Variants in SORCS2 observed in about 807,000 individuals in gnomAD.
SORCS2 encodes the protein VPS10 domain-containing receptor SorCS2.
SORCS2 carries 100 observed loss-of-function variants against 141.6 expected under a neutral mutation model. The ratio of observed to expected loss-of-function variants is 0.71; its 90% CI spans 0.60 to 0.83. The LOEUF is 0.83. SORCS2 is among the 40% of genes least tolerant of loss of function. SORCS2 has a pLI of 0.00. For missense variants in SORCS2, 1,646 were observed against 1,560.2 expected, an observed-to-expected ratio of 1.05 and a Z score of -0.93; for synonymous variants, 789 against 676.9, an observed-to-expected ratio of 1.17 and a Z score of -2.57.
intron 1 of SORCS2, among the ~76,000 whole-genome samples, chr4:7,322,881 C>A (rs1718986280): frequency 1.3e-5 from 2 of 152,288 alleles, no homozygotes; most frequent in South Asian, 4.2e-4. Context: ...GCTCCTCAGC[C>A]CCTGCCTGCC....
chr4:7,323,425 G>T (rs116709205), intron 1 of SORCS2, among the ~76,000 whole-genome samples: 86 of 152,292 alleles, frequency 5.6e-4, no homozygotes, highest in African/African-American at 2.0e-3. Context: ...AAACTGCACA[G>T]TAATGCCCTG....
chr4:7,544,973 T>A (rs1201067768), intron 3 of SORCS2, among the ~76,000 whole-genome samples: 4 of 152,222 alleles, frequency 2.6e-5, no homozygotes, highest in Admixed American at 1.3e-4. Flanking sequence ...TCCATTTCCC[T>A]TGATAGCCAG....
intron 1 of SORCS2, among the ~76,000 whole-genome samples, chr4:7,271,835 G>A (rs1365543019): frequency 6.6e-6 from 1 of 152,260 alleles, no homozygotes; most frequent in Non-Finnish European, 1.5e-5. Flanking sequence ...AGCAGAGAGA[G>A]TGGGTGTTTG....
chr4:7,453,593 T>C (rs1728644857), intron 2 of SORCS2, among the ~76,000 whole-genome samples: 2 of 139,128 alleles, frequency 1.4e-5, no homozygotes, highest in African/African-American at 2.8e-5. Context: ...AGGCACTGTG[T>C]TGGGGTCAGG....
At chr4:7,672,755 G>A (rs1341037944) in intron 8 of SORCS2, among the ~76,000 whole-genome samples, 5 of 152,184 alleles carry the variant, frequency 3.3e-5, no homozygotes, top group Non-Finnish European at 7.3e-5. Flanking sequence ...ACTTTGGCTA[G>A]TACATTGCTT....
At chr4:7,646,589 C>G (rs1560453090) in intron 4 of SORCS2, among the ~76,000 whole-genome samples, 1 of 152,042 alleles carries the variant, frequency 6.6e-6, no homozygotes, top group African/African-American at 2.4e-5. Flanking sequence ...ATGATTGCAC[C>G]ACTGCATTCC....
At chr4:7,434,323 T>TCTTGGCA in intron 2 of SORCS2, 1 of 1,611,322 alleles carries the variant, frequency 6.2e-7, no homozygotes, top group Non-Finnish European at 8.5e-7. Context: ...CCGTACACAG[T>TCTTGGCA]CTTGGCACAG....
intron 2 of SORCS2, among the ~76,000 whole-genome samples, chr4:7,518,828 C>T (rs562033211): frequency 1.1e-4 from 16 of 152,094 alleles, no homozygotes; most frequent in East Asian, 3.9e-4. Context: ...CCCCATCAAA[C>T]GCAGCTTCCC....
intron 2 of SORCS2, among the ~76,000 whole-genome samples, chr4:7,501,412 A>C (rs1166433827): frequency 6.6e-6 from 1 of 152,172 alleles, no homozygotes; most frequent in East Asian, 1.9e-4. Context: ...CTTTCAAGTC[A>C]GTAGGGCTCC....
chr4:7,311,496 AC>A (rs1190886354), intron 1 of SORCS2, among the ~76,000 whole-genome samples: 4 of 152,148 alleles, frequency 2.6e-5, no homozygotes, highest in Admixed American at 2.0e-4. Context: ...TGCCAGACTT[AC>A]CCTTTTATAT....
chr4:7,368,493 C>G (rs533776356), intron 1 of SORCS2, among the ~76,000 whole-genome samples: 2 of 152,142 alleles, frequency 1.3e-5, no homozygotes, highest in African/African-American at 2.4e-5. Context: ...TCCACTGGGT[C>G]CCCCCAGCAG....
At chr4:7,712,274 C>T (rs1725868871) in intron 14 of SORCS2, among the ~76,000 whole-genome samples, 1 of 152,230 alleles carries the variant, frequency 6.6e-6, no homozygotes, top group African/African-American at 2.4e-5. Context: ...GTTTCTGCAG[C>T]ACGGAACCCT....
At chr4:7,403,987 ATATATATATATTTTTTT>A (rs1435492603) in intron 2 of SORCS2, among the ~76,000 whole-genome samples, 5 of 22,138 alleles carry the variant, frequency 2.3e-4, no homozygotes, top group African/African-American at 5.6e-4. Context: ...ATATATATAT[ATATATATATATTTTTTT>A]TTTTTTTTTA....
rs188902029 is a variant in SORCS2, at chr4:7,714,292, C to A, written c.2042C>A (p.Thr681Lys). 3.7e-6 allele frequency: 6 copies of A among 1,607,174 alleles called. No homozygotes were observed. The highest frequency in any genetic ancestry group is 3.4e-6 in the Non-Finnish European group (4 of 1,176,948). The change falls in exon 16 of 27, where the codon ACG (threonine) becomes AAG (lysine). Residue 681 changes from threonine (T) to lysine (K), a missense_variant. Physicochemically the swap from Thr to Lys is moderately conservative, Grantham distance 78. Transcript: ENST00000507866. Reference protein sequence around the residue: ...QQRSFRKRKSTSWCIKGRSFT... With the variant: ...QQRSFRKRKSKSWCIKGRSFT... ...AGAAGTTTCCGGAAAAGAAAGTCCA[C>A]GTCCTGGTGCATCAAGGGGAGGAGC...
chr4:7,449,817 T>G (rs1305620532), intron 2 of SORCS2, among the ~76,000 whole-genome samples: 1 of 152,004 alleles, frequency 6.6e-6, no homozygotes, highest in Admixed American at 6.6e-5. Flanking sequence ...TAGCCAGACA[T>G]TTCTTCATGC....
chr4:7,285,960 T>C (rs1716194262), intron 1 of SORCS2, among the ~76,000 whole-genome samples: 2 of 152,064 alleles, frequency 1.3e-5, no homozygotes, highest in Non-Finnish European at 2.9e-5. Flanking sequence ...GGAGGCCCAG[T>C]GCGGGGACCA....
intron 3 of SORCS2, among the ~76,000 whole-genome samples, chr4:7,596,701 G>A (rs894795368): frequency 2.6e-5 from 4 of 152,124 alleles, no homozygotes; most frequent in South Asian, 4.1e-4. Flanking sequence ...CTGGCAGGGC[G>A]AGGGTGGAAG....
chr4:7,582,907 A>C (rs1435781655), intron 3 of SORCS2, among the ~76,000 whole-genome samples: 1 of 152,012 alleles, frequency 6.6e-6, no homozygotes, highest in Non-Finnish European at 1.5e-5. Context: ...CTCTCTACTG[A>C]TTGGCTTCTC....
chr4:7,294,164 T>C (rs185674929), intron 1 of SORCS2, among the ~76,000 whole-genome samples: 4 of 152,254 alleles, frequency 2.6e-5, no homozygotes. Flanking sequence ...CCTATGTGCA[T>C]ACGCACCGGT....
Sources: allele counts gnomAD v4.1 joint callset (sites outside exome capture counted in the v4.1 genomes callset), GRCh38; gene constraint gnomAD v4.1.1; transcripts MANE v1.5; gene names NCBI Gene and HGNC (gene_info 2026-07-23, HGNC 2026-07-21).